Variants in PSEN1 observed in about 807,000 individuals in gnomAD.
PSEN1 encodes the protein presenilin 1.
Under a neutral mutation model 53.5 loss-of-function variants are expected in PSEN1, and 15 were observed. That is an observed-to-expected ratio of 0.28 (90% confidence interval 0.19 to 0.43). PSEN1 has a LOEUF of 0.43. Among genes scored for constraint, PSEN1 ranks in the 20% least tolerant of loss-of-function variants. The pLI, the probability that PSEN1 is intolerant of heterozygous loss-of-function variation, is 1.00. For synonymous variants in PSEN1, 208 were observed against 209.8 expected, an observed-to-expected ratio of 0.99 and a Z score of 0.08; for missense variants, 387 against 571.2, an observed-to-expected ratio of 0.68 and a Z score of 3.29.
chr14:73,143,580 A>G (rs1364805027), intron 1 of PSEN1, among the ~76,000 whole-genome samples: 2 of 152,236 alleles, frequency 1.3e-5, no homozygotes, highest in Admixed American at 1.3e-4. Flanking sequence ...AAAATGCTAA[A>G]GTGACTGCTG....
chr14:73,175,315 C>G (rs1454355226), intron 5 of PSEN1, among the ~76,000 whole-genome samples: 1 of 121,122 alleles, frequency 8.3e-6, no homozygotes, highest in African/African-American at 5.9e-5. Flanking sequence ...TTAGTAGAGA[C>G]TGGGTTTTAC....
At chr14:73,181,816 C>G (rs1180752074) in intron 5 of PSEN1, among the ~76,000 whole-genome samples, 1 of 152,066 alleles carries the variant, frequency 6.6e-6, no homozygotes, top group Non-Finnish European at 1.5e-5. Context: ...CTTTGTCAGT[C>G]AGGCTGGAAT....
intron 3 of PSEN1, among the ~76,000 whole-genome samples, chr14:73,157,850 G>T (rs1022132670): frequency 6.6e-6 from 1 of 151,990 alleles, no homozygotes; most frequent in Non-Finnish European, 1.5e-5. Context: ...GCCAGGGGTG[G>T]TGGCGTGCAC....
At position 73,176,067 on chromosome 14, in the gene PSEN1, A is replaced by ATTAT. The variant is rs1262825107; in HGVS notation, c.480+2360_480+2361insTTAT. 3.3e-5 allele frequency among the ~76,000 whole-genome samples: 5 copies of ATTAT among 152,242 alleles called. No homozygotes were observed. In the East Asian group the frequency reaches 7.7e-4, roughly 23 times the overall value. On this transcript the variant is annotated intron_variant, in intron 5 of 11. Transcript: ENST00000324501. ...ATGCTTGTGAACTTTAAGCTTATAC[A>ATTAT]GAGTTTAACCTTGCATGTTGAACAT... is the stretch of plus-strand genomic sequence containing the variant.
At chr14:73,207,322 TA>T (rs879805242) in intron 9 of PSEN1, among the ~76,000 whole-genome samples, 130 of 130,162 alleles carry the variant, frequency 1.0e-3, no homozygotes, top group Admixed American at 1.1e-3. Context: ...CCACACACAC[TA>T]AAAAAAAAAA....
At chr14:73,193,318 T>A (rs900788663) in intron 7 of PSEN1, among the ~76,000 whole-genome samples, 1 of 151,478 alleles carries the variant, frequency 6.6e-6, no homozygotes, top group African/African-American at 2.4e-5. Flanking sequence ...TCAAAAAAAA[T>A]TTGGTTTTTC....
At chr14:73,151,045 G>C (rs1246885568) in intron 3 of PSEN1, among the ~76,000 whole-genome samples, 1 of 151,878 alleles carries the variant, frequency 6.6e-6, no homozygotes, top group Non-Finnish European at 1.5e-5. Context: ...TCCAGCCTGG[G>C]CGACAGAGTG....
At chr14:73,196,959 G>T (rs1369607568) in intron 7 of PSEN1, among the ~76,000 whole-genome samples, 3 of 136,362 alleles carry the variant, frequency 2.2e-5, no homozygotes, top group Non-Finnish European at 3.1e-5. Context: ...TTGAGACGGA[G>T]TCTCGCTGTA....
At chr14:73,217,103 T>C (rs1899947931) in intron 10 of PSEN1, 23 bp from the exon 11 acceptor site, 1 of 1,613,572 alleles carries the variant, frequency 6.2e-7, no homozygotes, top group East Asian at 2.2e-5. Flanking sequence ...AACTTTTTAA[T>C]ATTTGTAACC....
At chr14:73,171,546 C>T (rs980089234) in intron 4 of PSEN1, among the ~76,000 whole-genome samples, 3 of 152,218 alleles carry the variant, frequency 2.0e-5, no homozygotes, top group African/African-American at 7.2e-5. Flanking sequence ...GGCAAGCGCA[C>T]ATTTGGACAA....
intron 8 of PSEN1, among the ~76,000 whole-genome samples, chr14:73,205,280 T>C (rs1899406985): frequency 6.6e-6 from 1 of 151,842 alleles, no homozygotes; most frequent in Non-Finnish European, 1.5e-5. Context: ...ATCGAGACCA[T>C]CCTGGCTAAC....
At position 73,173,594 on chromosome 14, in the gene PSEN1, G is replaced by C. The variant is rs63750378; in HGVS notation, c.367G>C (p.Glu123Gln). Residue 123 changes from glutamate to glutamine, a missense_variant, in exon 5 of 12, where the codon GAG becomes CAG. Coordinates refer to ENST00000324501, the MANE Select transcript of PSEN1 (RefSeq NM_000021.4). ...CTATACCCCATTCACAGAAGATACC[G>C]AGACTGTGGGCCAGAGAGCCCTGCA... ...LIYTPFTEDT[E>Q]TVGQRALHSI... 11 of 1,614,028 alleles carry C rather than the reference G, an allele frequency of 6.8e-6. No individual in the cohort carries two copies. Among genetic ancestry groups the C allele is most frequent in the Non-Finnish European group, 9.3e-6 (11 of 1,179,932 alleles).
In PSEN1 at chr14:73,222,054, A is replaced by G. The variant is rs1900128066; in HGVS notation, c.*2765A>G. On this transcript the variant is annotated 3_prime_UTR_variant, in exon 12 of 12. Coordinates refer to ENST00000324501, the MANE Select transcript of PSEN1 (RefSeq NM_000021.4). ...AATGTCATTACATGCCTATGGGAAT[A>G]CCAATCATATTTGGAAGATTTGCAG... The G allele has an allele frequency of 6.6e-6, 1 of 152,216 alleles. No individual in the cohort carries two copies. Among genetic ancestry groups the G allele is most frequent in the African/African-American group, 2.4e-5 (1 of 41,464 alleles). The allele number at this position is 152,216 out of a possible 1,614,324, so 9.4% of individuals were successfully genotyped here.
intron 1 of PSEN1, among the ~76,000 whole-genome samples, chr14:73,144,198 G>T (rs1594959523): frequency 1.3e-5 from 2 of 151,812 alleles, no homozygotes; most frequent in African/African-American, 4.8e-5. Context: ...ACGTCACCAT[G>T]CCTGGCTAAT....
intron 1 of PSEN1, among the ~76,000 whole-genome samples, chr14:73,142,368 C>T (rs986879046): frequency 6.6e-6 from 1 of 152,166 alleles, no homozygotes; most frequent in Non-Finnish European, 1.5e-5. Context: ...GCAGTTTTCT[C>T]AGTGAAAGAG....
rs1899881798 is a variant in PSEN1, at chr14:73,215,615, C to G, written c.1130-1511C>G. Among the ~76,000 whole-genome samples the G allele has an allele frequency of 2.0e-5, 3 of 151,630 alleles. No individual in the cohort carries two copies. The South Asian group carries it at 6.2e-4, about 32-fold the overall frequency. ...ATCATATTGAAGTCCTGTTAAAGGA[C>G]TTGTATTTAGGATATATAAAGGATG... On this transcript the variant is annotated intron_variant, in intron 10 of 11. Transcript: ENST00000324501.
intron 7 of PSEN1, among the ~76,000 whole-genome samples, chr14:73,196,964 G>A (rs1444541708): frequency 1.5e-4 from 19 of 127,528 alleles, no homozygotes; most frequent in Admixed American, 7.7e-4. Flanking sequence ...ACGGAGTCTC[G>A]CTGTATTGCC....
chr14:73,204,924 C>G (rs1033753448), intron 8 of PSEN1, among the ~76,000 whole-genome samples: 2 of 152,120 alleles, frequency 1.3e-5, no homozygotes, highest in South Asian at 4.2e-4. Flanking sequence ...TGGTGGTTGC[C>G]CTTCAGTTTT....
chr14:73,206,570 C>T (rs1195588755), intron 9 of PSEN1, 98 bp downstream of exon 9: 2 of 819,544 alleles, frequency 2.4e-6, no homozygotes, highest in Non-Finnish European at 4.1e-6. Flanking sequence ...TGGTCATAGA[C>T]TCCTTTGAGA....
Sources: gnomAD v4.1 joint callset for allele counts (sites outside exome capture counted in the v4.1 genomes callset) on GRCh38, gnomAD v4.1.1 for gene constraint, MANE v1.5 for transcripts, NCBI Gene and HGNC (gene_info 2026-07-23, HGNC 2026-07-21) for gene names.